The following CTNNA1 variants were observed in gnomAD, a reference collection of about 807,000 sequenced individuals.
CTNNA1 encodes catenin alpha 1.
CTNNA1 carries 37 observed loss-of-function variants against 98.4 expected under a neutral mutation model. That is an observed-to-expected ratio of 0.38 (90% CI 0.29 to 0.49). CTNNA1 has a LOEUF of 0.49. Among genes scored for constraint, CTNNA1 ranks in the 20% least tolerant of loss-of-function variants. The pLI is 0.95. For synonymous variants in CTNNA1, 404 were observed against 413.2 expected (o/e 0.98, Z 0.27); for missense variants, 761 against 1,147.2 (o/e 0.66, Z 4.86).
At chr5:138,757,717 G>A (rs189518208) in intron 1 of CTNNA1, among the ~76,000 whole-genome samples, 9 of 152,266 alleles carry the variant, frequency 5.9e-5, no homozygotes, top group Admixed American at 5.2e-4. Flanking sequence ...CTTGAAGGCA[G>A]GAACTGAGAG....
At position 138,767,001 on chromosome 5, in the gene CTNNA1, T is replaced by C. The variant is rs1753005553; in HGVS notation, c.-3+13491T>C. Among the ~76,000 whole-genome samples the C allele has an allele frequency of 3.3e-5, 5 of 151,920 alleles. No individual in the cohort carries two copies. In the South Asian group the frequency reaches 1.0e-3, roughly 32 times the overall value. On this transcript the variant is annotated intron_variant, in intron 1 of 17. Transcript: ENST00000302763. ...ATTTTTAAGATAGGAAGAATAAAGC[T>C]GAACCCTCCAATGTCTTCTGAATTT...
intron 1 of CTNNA1, among the ~76,000 whole-genome samples, chr5:138,759,126 ATTT>A (rs968289021): frequency 6.7e-6 from 1 of 149,860 alleles, no homozygotes; most frequent in Non-Finnish European, 1.5e-5. Flanking sequence ...TTATTGGTTA[ATTT>A]TTTTTTTCTT....
At chr5:138,837,225 C>T (rs1415194668) in intron 7 of CTNNA1, among the ~76,000 whole-genome samples, 1 of 152,136 alleles carries the variant, frequency 6.6e-6, no homozygotes, top group Non-Finnish European at 1.5e-5. Flanking sequence ...TCTTTTCTTG[C>T]AGTGTATATC....
chr5:138,859,185 G>C (rs189713395), intron 7 of CTNNA1, among the ~76,000 whole-genome samples: 44 of 152,264 alleles, frequency 2.9e-4, no homozygotes. Flanking sequence ...CATGAATTAA[G>C]CTGACCATAT....
intron 10 of CTNNA1, among the ~76,000 whole-genome samples, chr5:138,909,183 C>G (rs1759991342): frequency 6.6e-6 from 1 of 152,006 alleles, no homozygotes; most frequent in Admixed American, 6.6e-5. Flanking sequence ...TTTCTTAGTT[C>G]ATTATGCAAG....
At chr5:138,927,642 GC>G (rs1764386618) in intron 13 of CTNNA1, among the ~76,000 whole-genome samples, 1 of 152,150 alleles carries the variant, frequency 6.6e-6, no homozygotes, top group East Asian at 1.9e-4. Context: ...ATTAGAATAT[GC>G]GAGAGGAATT....
intron 8 of CTNNA1, 79 bp downstream of exon 8, chr5:138,886,371 C>G: frequency 7.1e-7 from 1 of 1,401,728 alleles, no homozygotes; most frequent in Non-Finnish European, 9.7e-7. Context: ...TAAGCACTGG[C>G]CTTATATTTT....
At chr5:138,795,664 T>C (rs1756883658) in intron 3 of CTNNA1, among the ~76,000 whole-genome samples, 1 of 152,126 alleles carries the variant, frequency 6.6e-6, no homozygotes, top group South Asian at 2.1e-4. Context: ...TTTTTTACTC[T>C]GTAAAACACT....
At chr5:138,887,746 C>T in intron 9 of CTNNA1, 104 bp downstream of exon 9, 1 of 887,854 alleles carries the variant, frequency 1.1e-6, no homozygotes, top group Non-Finnish European at 1.7e-6. Flanking sequence ...GCTCGCTTAA[C>T]ATACAACATG....
intron 7 of CTNNA1, among the ~76,000 whole-genome samples, chr5:138,828,673 C>T (rs542648028): frequency 5.1e-4 from 77 of 152,260 alleles, no homozygotes; most frequent in African/African-American, 1.8e-3. Context: ...CTCATTTGTT[C>T]GTTTGCCATA....
Position 138,874,226 on chromosome 5 carries a change from T to G in CTNNA1, c.1063-11986T>G. On this transcript the variant is annotated intron_variant, in intron 7 of 17. Transcript: ENST00000302763. This position sits in a 1 kb window ranked among gnomAD's most constrained non-coding sequence, Gnocchi z 4.1. ...TTTGTTGGAACTTAAGATTAATTCC[T>G]TAAGTTTATATAGTCCTTGAAAAGC... 1 of 1,614,028 alleles carries G rather than the reference T, an allele frequency of 6.2e-7. No individual in the cohort carries two copies. Among genetic ancestry groups the G allele is most frequent in the South Asian group, 1.1e-5 (1 of 91,082 alleles).
intron 7 of CTNNA1, among the ~76,000 whole-genome samples, chr5:138,847,428 G>T (rs941949761): frequency 3.9e-5 from 6 of 152,146 alleles, no homozygotes; most frequent in African/African-American, 1.4e-4. Context: ...GCCTCCCAGA[G>T]TGCTGAGATT....
chr5:138,922,178 G>T (rs1008240754), intron 11 of CTNNA1, among the ~76,000 whole-genome samples: 1 of 152,086 alleles, frequency 6.6e-6, no homozygotes, highest in African/African-American at 2.4e-5. Flanking sequence ...GGGGCAATTA[G>T]GTACCATACT....
intron 7 of CTNNA1, among the ~76,000 whole-genome samples, chr5:138,861,240 C>G (rs1032057230): frequency 6.6e-6 from 1 of 152,000 alleles, no homozygotes; most frequent in Non-Finnish European, 1.5e-5. Context: ...AGGCTGGTCT[C>G]GAACTCCTGA....
Position 138,930,643 on chromosome 5 carries a change from A to G in CTNNA1, c.2181A>G (p.Thr727=). The G allele has an allele frequency of 6.2e-7, 1 of 1,612,848 alleles. No homozygotes were observed. Among genetic ancestry groups the G allele is most frequent in the Non-Finnish European group, 8.5e-7 (1 of 1,179,280 alleles). ...KQMCMIMMEM[T]DFTRGKGPLK... The stretch of plus-strand genomic sequence containing the variant: ...TGTGCATGATTATGATGGAGATGAC[A>G]GACTTTACCCGGTGAGCAGCACCCC... The change falls in exon 15 of 18, where the codon ACA becomes ACG. Residue 727 remains threonine, a synonymous_variant. Transcript: ENST00000302763.
At chr5:138,765,075 C>G (rs986693059) in intron 1 of CTNNA1, among the ~76,000 whole-genome samples, 1 of 151,752 alleles carries the variant, frequency 6.6e-6, no homozygotes, top group Non-Finnish European at 1.5e-5. Flanking sequence ...GAGTCTTGCT[C>G]TGTCCCCCAG....
At chr5:138,911,955 C>T (rs555315693) in intron 10 of CTNNA1, among the ~76,000 whole-genome samples, 2 of 152,176 alleles carry the variant, frequency 1.3e-5, no homozygotes, top group South Asian at 4.2e-4. Flanking sequence ...GGACGGAGTT[C>T]CCATTTATTT....
chr5:138,839,192 G>A (rs1306472049), intron 7 of CTNNA1, among the ~76,000 whole-genome samples: 1 of 151,706 alleles, frequency 6.6e-6, no homozygotes, highest in Non-Finnish European at 1.5e-5. Flanking sequence ...TGTTCTGTTT[G>A]CACTTGACAA....
At chr5:138,894,798 A>G (rs912370025) in intron 9 of CTNNA1, among the ~76,000 whole-genome samples, 1 of 152,144 alleles carries the variant, frequency 6.6e-6, no homozygotes, top group Admixed American at 6.5e-5. Flanking sequence ...TTCCCTGCCT[A>G]CAACTGCCTT....
Sources: allele counts gnomAD v4.1 joint callset (sites outside exome capture counted in the v4.1 genomes callset), GRCh38; gene constraint gnomAD v4.1.1; non-coding constraint Gnocchi (gnomAD v3.1); transcripts MANE v1.5; gene names NCBI Gene and HGNC (gene_info 2026-07-23, HGNC 2026-07-21).